The following MAPK10 variants were observed in gnomAD, a reference collection of about 807,000 sequenced individuals.
The protein encoded by MAPK10 is mitogen-activated protein kinase 10.
In MAPK10, 25 loss-of-function variants were observed where a neutral mutation model predicts 59.3. The ratio of observed to expected loss-of-function variants is 0.42; its 90% CI spans 0.31 to 0.59. The LOEUF (loss-of-function observed/expected upper bound fraction) is 0.59. Among genes scored for constraint, MAPK10 ranks in the 20% least tolerant of loss-of-function variants. MAPK10 has a pLI of 0.15. For synonymous variants in MAPK10, 190 were observed against 200.5 expected (o/e 0.95, Z 0.44); for missense variants, 351 against 568.9 (o/e 0.62, Z 3.90).
chr4:86,507,617 T>G (rs540649272), intron 1 of MAPK10, among the ~76,000 whole-genome samples: 1,793 of 10,974 alleles, frequency 0.16, 37 homozygotes, highest in Non-Finnish European at 0.22. Flanking sequence ...AAACTGGAGA[T>G]ATATATATAT....
At chr4:86,349,767 G>T (rs1272566355) in intron 2 of MAPK10, among the ~76,000 whole-genome samples, 3 of 152,196 alleles carry the variant, frequency 2.0e-5, no homozygotes, top group Non-Finnish European at 4.4e-5. Context: ...CAGTGTGTCT[G>T]TCTGAGTAGT....
chr4:86,037,276 T>G (rs1248853389), intron 11 of MAPK10, among the ~76,000 whole-genome samples: 3 of 152,172 alleles, frequency 2.0e-5, no homozygotes, highest in Non-Finnish European at 2.9e-5. Context: ...ATCCCAGGCC[T>G]TTGGGAGGCC....
chr4:86,224,441 A>G (rs2090255567), intron 2 of MAPK10, among the ~76,000 whole-genome samples: 1 of 152,224 alleles, frequency 6.6e-6, no homozygotes, highest in South Asian at 2.1e-4. Flanking sequence ...TAGGTAAAAA[A>G]GGAAGGGAAC....
intron 4 of MAPK10, among the ~76,000 whole-genome samples, chr4:86,147,216 C>T (rs1011277831): frequency 2.0e-5 from 3 of 151,840 alleles, no homozygotes; most frequent in Non-Finnish European, 4.4e-5. Flanking sequence ...CCGCAGGAGT[C>T]GCTGACACCA....
At position 86,194,508 on chromosome 4, in the gene MAPK10, T is replaced by G. The variant is rs971862474; in HGVS notation, c.-6-101A>C. The G allele has an allele frequency of 4.0e-5, 29 of 731,410 alleles. No individual in the cohort carries two copies. In the South Asian group the frequency reaches 4.4e-4, roughly 11 times the overall value. 45.3% of individuals were successfully genotyped at this position (731,410 alleles called of 1,614,324 possible). A position where few individuals can be genotyped will look rare whatever the true frequency, so the allele number is the denominator to read the frequency against. ...AATTTGAGTTATATGCAAAGTACCA[T>G]GCACAACATATCTCCAACATAATCC... On this transcript the variant is annotated intron_variant, in intron 2 of 13. Coordinates refer to ENST00000641462, the MANE Select transcript of MAPK10 (RefSeq NM_138982.4).
intron 1 of MAPK10, among the ~76,000 whole-genome samples, chr4:86,434,594 A>G (rs1421997611): frequency 6.6e-6 from 1 of 152,248 alleles, no homozygotes; most frequent in African/African-American, 2.4e-5. Flanking sequence ...CCACAATGAA[A>G]TGTCATCTCA....
At chr4:86,096,354 T>G (rs1026587532) in intron 9 of MAPK10, among the ~76,000 whole-genome samples, 2 of 151,930 alleles carry the variant, frequency 1.3e-5, no homozygotes, top group Admixed American at 1.3e-4. Flanking sequence ...GGTGCTTTGT[T>G]TTTTTGTTTG....
chr4:86,019,905 A>G (rs986191714), intron 13 of MAPK10, among the ~76,000 whole-genome samples: 3 of 152,250 alleles, frequency 2.0e-5, no homozygotes, highest in Non-Finnish European at 2.9e-5. Context: ...CTTGAGGTAT[A>G]GAATGATGCT....
At chr4:86,348,671 T>TA (rs947466676) in intron 2 of MAPK10, among the ~76,000 whole-genome samples, 76 of 150,500 alleles carry the variant, frequency 5.0e-4, no homozygotes, top group African/African-American at 1.3e-3. Context: ...GTTCTTATAA[T>TA]AAAAAAAAAA....
chr4:86,064,172 C>T, intron 11 of MAPK10, 94 bp downstream of exon 11: 1 of 1,435,802 alleles, frequency 7.0e-7, no homozygotes, highest in East Asian at 2.3e-5. Flanking sequence ...TATAAAAATC[C>T]ATTGTGCATT....
intron 1 of MAPK10, among the ~76,000 whole-genome samples, chr4:86,367,869 C>A (rs951874505): frequency 6.6e-6 from 1 of 152,050 alleles, no homozygotes; most frequent in Non-Finnish European, 1.5e-5. Context: ...AGTAGCCAAA[C>A]CCATCTTGGT....
intron 1 of MAPK10, among the ~76,000 whole-genome samples, chr4:86,485,465 T>C (rs1287386531): frequency 6.6e-6 from 1 of 152,338 alleles, no homozygotes; most frequent in East Asian, 1.9e-4. Context: ...TTATCCTTAA[T>C]AGGTGTTTAA....
intron 11 of MAPK10, among the ~76,000 whole-genome samples, chr4:86,059,663 C>T (rs977774044): frequency 2.6e-5 from 4 of 152,124 alleles, no homozygotes; most frequent in Non-Finnish European, 5.9e-5. Flanking sequence ...CAAGCAAGCT[C>T]AGCACTGGCC....
At chr4:86,498,535 G>T (rs558858372) in intron 1 of MAPK10, among the ~76,000 whole-genome samples, 10 of 152,126 alleles carry the variant, frequency 6.6e-5, no homozygotes, top group Non-Finnish European at 1.3e-4. Context: ...CACACACACA[G>T]AAACAAAGGA....
chr4:86,451,251 C>T (rs962414634), intron 1 of MAPK10, among the ~76,000 whole-genome samples: 2 of 152,072 alleles, frequency 1.3e-5, no homozygotes, highest in East Asian at 3.9e-4. Context: ...GTTTTTATGT[C>T]CTACACTGTT....
chr4:86,292,330 C>T (rs965328268), intron 2 of MAPK10, among the ~76,000 whole-genome samples: 1 of 152,108 alleles, frequency 6.6e-6, no homozygotes, highest in Non-Finnish European at 1.5e-5. Context: ...GATGATGAAG[C>T]ACAATCCTCA....
At chr4:86,108,019 G>A (rs947509449) in intron 4 of MAPK10, among the ~76,000 whole-genome samples, 2 of 152,058 alleles carry the variant, frequency 1.3e-5, no homozygotes, top group Non-Finnish European at 2.9e-5. Context: ...TTTAAGATGT[G>A]ATGTTAATTG....
intron 1 of MAPK10, among the ~76,000 whole-genome samples, chr4:86,389,892 T>C (rs1313562087): frequency 6.6e-6 from 1 of 152,174 alleles, no homozygotes; most frequent in African/African-American, 2.4e-5. Context: ...TCTGCATTTA[T>C]AGCTGTTGAA....
intron 2 of MAPK10, among the ~76,000 whole-genome samples, chr4:86,246,604 C>T (rs894661782): frequency 1.9e-4 from 29 of 152,206 alleles, no homozygotes; most frequent in African/African-American, 6.5e-4. Flanking sequence ...TTCCATGGTG[C>T]TTACCATGTG....
Sources: allele counts gnomAD v4.1 joint callset (sites outside exome capture counted in the v4.1 genomes callset), GRCh38; gene constraint gnomAD v4.1.1; transcripts MANE v1.5; gene names NCBI Gene and HGNC (gene_info 2026-07-23, HGNC 2026-07-21).